Variants in KAZN observed in about 807,000 individuals in gnomAD.
KAZN encodes kazrin, periplakin interacting protein.
A neutral mutation model predicts 87.4 loss-of-function variants in KAZN; 40 were observed. The ratio of observed to expected loss-of-function variants is 0.46; its 90% CI spans 0.36 to 0.60. KAZN has a LOEUF of 0.60. KAZN is among the 20% of genes least tolerant of loss of function. KAZN has a pLI of 0.00. For synonymous variants in KAZN, 466 were observed against 458.3 expected, an observed-to-expected ratio of 1.02 and a Z score of -0.22; for missense variants, 898 against 1,073.9, an observed-to-expected ratio of 0.84 and a Z score of 2.29.
intron 1 of KAZN, among the ~76,000 whole-genome samples, chr1:14,128,743 C>A (rs1010843847): frequency 1.3e-5 from 2 of 152,128 alleles, no homozygotes; most frequent in African/African-American, 4.8e-5. Context: ...TATTCCAGCC[C>A]ATAATAGGTG....
intron 2 of KAZN, among the ~76,000 whole-genome samples, chr1:14,363,370 A>G (rs1451524676): frequency 6.6e-6 from 1 of 152,104 alleles, no homozygotes; most frequent in East Asian, 1.9e-4. Flanking sequence ...GAGTGTAGCT[A>G]GGCTCACACC....
chr1:14,325,018 A>G (rs1207708690), intron 2 of KAZN, among the ~76,000 whole-genome samples: 1 of 152,186 alleles, frequency 6.6e-6, no homozygotes, highest in South Asian at 2.1e-4. Flanking sequence ...AGTAACTTCT[A>G]TGTACAGAAT....
intron 2 of KAZN, among the ~76,000 whole-genome samples, chr1:14,235,997 T>C (rs1412254204): frequency 6.6e-6 from 1 of 152,172 alleles, no homozygotes; most frequent in African/African-American, 2.4e-5. Flanking sequence ...CTGTCATCAT[T>C]ACTCCTCCAT....
intron 2 of KAZN, among the ~76,000 whole-genome samples, chr1:14,359,512 T>C (rs1659323228): frequency 6.6e-6 from 1 of 152,232 alleles, no homozygotes; most frequent in Non-Finnish European, 1.5e-5. Context: ...CATTAGTTGA[T>C]GCAGTTTCTT....
chr1:14,415,099 T>C (rs1472656637), intron 2 of KAZN, among the ~76,000 whole-genome samples: 2 of 152,192 alleles, frequency 1.3e-5, no homozygotes, highest in African/African-American at 4.8e-5. Context: ...TCTACAAAAC[T>C]TTAATCCTAT....
chr1:13,973,851 T>C (rs936599893), intron 1 of KAZN, among the ~76,000 whole-genome samples: 1 of 152,222 alleles, frequency 6.6e-6, no homozygotes, highest in Admixed American at 6.5e-5. Flanking sequence ...CTGAGAAGAC[T>C]TCCCTTGTGC....
chr1:14,207,700 G>T (rs936626967), intron 2 of KAZN, among the ~76,000 whole-genome samples: 2 of 152,072 alleles, frequency 1.3e-5, no homozygotes, highest in East Asian at 3.9e-4. Flanking sequence ...TCTGTATCCT[G>T]GCCATTTTAG....
At chr1:14,736,446 G>T (rs1643909602) in intron 1 of KAZN, among the ~76,000 whole-genome samples, 1 of 147,262 alleles carries the variant, frequency 6.8e-6, no homozygotes, top group South Asian at 2.2e-4. Context: ...TTACAGGCAT[G>T]TGCCACCACA....
In KAZN at chr1:14,868,125, TCA is replaced by T. The variant is rs762365225; in HGVS notation, c.227-92556_227-92555del. 1.3e-3 allele frequency among the ~76,000 whole-genome samples: 191 copies of T among 151,166 alleles called. 1 individual carries two copies. The highest frequency in any genetic ancestry group is 2.0e-3 in the Non-Finnish European group (135 of 67,816). ...TACACAGGCATTGCATACACGGGCATCACATAGCACGGCATCACATACGCAGC... is the reference window on the plus strand; with the variant it reads ...TACACAGGCATTGCATACACGGGCATCATAGCACGGCATCACATACGCAGC... On this transcript the variant is annotated intron_variant, in intron 1 of 14. Coordinates refer to ENST00000376030, the MANE Select transcript of KAZN (RefSeq NM_201628.3).
intron 5 of KAZN, 111 bp from the exon 6 acceptor site, chr1:15,060,061 C>A: frequency 7.1e-7 from 1 of 1,401,392 alleles, no homozygotes; most frequent in East Asian, 2.4e-5. Flanking sequence ...CTTCTCTACA[C>A]CTCAGTGTTC....
At chr1:15,042,522 G>A (rs1250465800) in intron 3 of KAZN, among the ~76,000 whole-genome samples, 3 of 152,176 alleles carry the variant, frequency 2.0e-5, no homozygotes, top group Non-Finnish European at 4.4e-5. Flanking sequence ...TGGGAGCCCA[G>A]TCCTGTGCAG....
At chr1:14,248,723 T>C (rs1649739296) in intron 2 of KAZN, among the ~76,000 whole-genome samples, 1 of 152,182 alleles carries the variant, frequency 6.6e-6, no homozygotes, top group Admixed American at 6.5e-5. Context: ...TGTTCCCAAA[T>C]TCTTTGACAC....
chr1:14,221,965 T>C (rs1647110260), intron 2 of KAZN: 1 of 152,114 alleles, frequency 6.6e-6, no homozygotes, highest in Admixed American at 6.5e-5. Flanking sequence ...ACAAAGCAGC[T>C]TGTGATTCGT....
intron 2 of KAZN, among the ~76,000 whole-genome samples, chr1:14,515,568 T>A (rs1671256789): frequency 6.6e-6 from 1 of 152,138 alleles, no homozygotes; most frequent in Admixed American, 6.5e-5. Context: ...TGTTCTACCA[T>A]CCCGGCCTCA....
intron 2 of KAZN, among the ~76,000 whole-genome samples, chr1:14,389,988 A>C (rs1010818707): frequency 6.6e-6 from 1 of 152,216 alleles, no homozygotes; most frequent in Non-Finnish European, 1.5e-5. Flanking sequence ...ATACACACCT[A>C]CTATGTATGC....
intron 2 of KAZN, among the ~76,000 whole-genome samples, chr1:14,512,657 T>A (rs947474818): frequency 6.6e-6 from 1 of 152,176 alleles, no homozygotes; most frequent in African/African-American, 2.4e-5. Flanking sequence ...GGTCACACAG[T>A]TCGCCGGGGT....
chr1:14,418,423 C>T (rs1290126080), intron 2 of KAZN, among the ~76,000 whole-genome samples: 1 of 152,122 alleles, frequency 6.6e-6, no homozygotes, highest in African/African-American at 2.4e-5. Flanking sequence ...GAAACAGTGG[C>T]CACTACTTTT....
rs1195465518 is a variant in KAZN at position 14,654,116 on chromosome 1, G to C, written c.226+54893G>C. ...GCCTGGCCAACATGGTGAAACCCCT[G>C]TCTCTACCAAAAATACAAAAATTCT... On this transcript the variant is annotated intron_variant, in intron 1 of 14. Transcript: ENST00000376030. 3.9e-5 allele frequency among the ~76,000 whole-genome samples: 6 copies of C among 152,006 alleles called. No individual in the cohort carries two copies. In the East Asian group the frequency reaches 1.2e-3, roughly 29 times the overall value.
chr1:14,426,484 A>G (rs983273895), intron 2 of KAZN, among the ~76,000 whole-genome samples: 12 of 152,200 alleles, frequency 7.9e-5, no homozygotes, highest in African/African-American at 2.7e-4. Flanking sequence ...GCCATGGTAC[A>G]TGGAATTGGT....
Sources: gnomAD v4.1 joint callset for allele counts (sites outside exome capture counted in the v4.1 genomes callset) on GRCh38, gnomAD v4.1.1 for gene constraint, MANE v1.5 for transcripts, NCBI Gene and HGNC (gene_info 2026-07-23, HGNC 2026-07-21) for gene names.